TRIM44: variants seen among roughly 807,000 people sequenced by gnomAD.
TRIM44 encodes the protein tripartite motif containing 44.
TRIM44 carries 13 observed loss-of-function variants against 37.4 expected under a neutral mutation model. The ratio of observed to expected loss-of-function variants is 0.35; its 90% confidence interval spans 0.23 to 0.55. The LOEUF (loss-of-function observed/expected upper bound fraction) is 0.55, where lower values mean the gene tolerates loss of function less well. Ranked by LOEUF, TRIM44 falls within the 20% of genes least tolerant of loss-of-function variation. The pLI, the probability that TRIM44 is intolerant of heterozygous loss-of-function variation, is 0.89. For missense variants in TRIM44, 426 were observed against 437.2 expected (o/e 0.97, Z 0.23); for synonymous variants, 175 against 157.2 (o/e 1.11, Z -0.85).
chr11:35,685,060 A>G (rs1187223098), intron 1 of TRIM44, among the ~76,000 whole-genome samples, 199 bp from the exon 2 acceptor site: 1 of 152,238 alleles, frequency 6.6e-6, no homozygotes, highest in Non-Finnish European at 1.5e-5. Context: ...TAGTTGTGCC[A>G]GTCACTGGGC....
At position 35,663,393 on chromosome 11, in the gene TRIM44, G is replaced by A. The variant is rs781635908; in HGVS notation, c.282G>A (p.Glu94=). ...AGCAGGAGAGGGAGATAGAAAGCGA[G>A]GCAGGGGAAGAGAGTGAGTCGGAGG... ...KVEQEREIES[E]AGEESESEEE... is the part of the protein sequence containing the mutation. The change falls in exon 1 of 5, where the codon GAG becomes GAA. Residue 94 remains glutamate, a synonymous_variant. Coordinates refer to ENST00000299413, the MANE Select transcript of TRIM44 (RefSeq NM_017583.6). 2.6e-5 allele frequency: 41 copies of A among 1,603,378 alleles called. No homozygotes were observed. Among genetic ancestry groups the A allele is most frequent in the Non-Finnish European group, 3.5e-5 (41 of 1,174,376 alleles).
intron 2 of TRIM44, among the ~76,000 whole-genome samples, chr11:35,722,949 T>C (rs1286015191): frequency 1.3e-5 from 2 of 152,190 alleles, no homozygotes; most frequent in Non-Finnish European, 2.9e-5. Flanking sequence ...ACCATTATTC[T>C]CAGTTCATCT....
rs781450278 is a variant in TRIM44 at position 35,685,244 on chromosome 11, TTTTC to T, written c.670-8_670-5del. ...AAAATGCTGTCTAGTGACCCCTCAC[TTTTC>T]TTTCTTCTAGAGCAAAGACTCAGGT... On this transcript the variant is annotated splice_polypyrimidine_tract_variant and intron_variant, in intron 1 of 4. Transcript: ENST00000299413. 2.4e-5 allele frequency: 39 copies of T among 1,612,860 alleles called. No individual in the cohort carries two copies. Among genetic ancestry groups the T allele is most frequent in the Non-Finnish European group, 3.0e-5 (35 of 1,179,202 alleles).
intron 2 of TRIM44, among the ~76,000 whole-genome samples, chr11:35,687,500 C>T (rs1286809379): frequency 1.3e-5 from 2 of 152,208 alleles, no homozygotes; most frequent in Non-Finnish European, 2.9e-5. Flanking sequence ...TACCAAGTTT[C>T]TCTGGTTTCT....
chr11:35,700,601 A>G (rs1250171525), intron 2 of TRIM44, among the ~76,000 whole-genome samples: 1 of 152,198 alleles, frequency 6.6e-6, no homozygotes, highest in Admixed American at 6.5e-5. Flanking sequence ...CATCTATGTC[A>G]TGTGTGGATT....
intron 1 of TRIM44, among the ~76,000 whole-genome samples, chr11:35,669,774 T>C (rs1372284539): frequency 6.6e-6 from 1 of 152,000 alleles, no homozygotes; most frequent in Middle Eastern, 3.2e-3. Context: ...CCACCACACC[T>C]GGCCAGAAAG....
chr11:35,739,585 A>G (rs1852365370), intron 4 of TRIM44, among the ~76,000 whole-genome samples: 1 of 152,108 alleles, frequency 6.6e-6, no homozygotes, highest in Admixed American at 6.5e-5. Flanking sequence ...CTCTGTCATT[A>G]TAAAGGGAAT....
At chr11:35,743,817 G>T (rs1325188340) in intron 4 of TRIM44, among the ~76,000 whole-genome samples, 1 of 152,156 alleles carries the variant, frequency 6.6e-6, no homozygotes, top group Admixed American at 6.5e-5. Context: ...TGGATACAGG[G>T]TTACCATGTC....
chr11:35,741,306 A>G (rs1321734094), intron 4 of TRIM44, among the ~76,000 whole-genome samples: 1 of 152,208 alleles, frequency 6.6e-6, no homozygotes, highest in East Asian at 1.9e-4. Context: ...CTTAAGTCAG[A>G]TGAAAGTTGA....
intron 2 of TRIM44, among the ~76,000 whole-genome samples, chr11:35,693,816 T>A (rs1198511820): frequency 9.2e-5 from 14 of 152,122 alleles, no homozygotes; most frequent in Non-Finnish European, 1.5e-4. Flanking sequence ...CTCTTGTCAT[T>A]CCAGTTGAAG....
At chr11:35,698,263 T>C (rs1465336246) in intron 2 of TRIM44, among the ~76,000 whole-genome samples, 2 of 142,530 alleles carry the variant, frequency 1.4e-5, no homozygotes, top group Non-Finnish European at 3.0e-5. Flanking sequence ...CATGTGTCTT[T>C]ATAGCAGCAT....
At chr11:35,748,936 G>C (rs1412225043) in intron 4 of TRIM44, among the ~76,000 whole-genome samples, 1 of 152,144 alleles carries the variant, frequency 6.6e-6, no homozygotes, top group East Asian at 1.9e-4. Flanking sequence ...TCATCTAAAT[G>C]ATCTGTTAGA....
At chr11:35,777,083 G>A (rs915039260) in intron 4 of TRIM44, among the ~76,000 whole-genome samples, 2 of 152,140 alleles carry the variant, frequency 1.3e-5, no homozygotes, top group African/African-American at 4.8e-5. Flanking sequence ...TTATTGTGAG[G>A]GAGTCTAAGT....
intron 1 of TRIM44, among the ~76,000 whole-genome samples, chr11:35,681,341 G>A (rs1399872695): frequency 6.6e-6 from 1 of 152,196 alleles, no homozygotes; most frequent in Admixed American, 6.5e-5. Context: ...CACATGTACA[G>A]CATTTTGTCC....
chr11:35,798,887 C>T (rs1387064916), intron 4 of TRIM44, among the ~76,000 whole-genome samples: 1 of 152,086 alleles, frequency 6.6e-6, no homozygotes, highest in African/African-American at 2.4e-5. Context: ...AAATATATTT[C>T]ACTGTGATAA....
intron 1 of TRIM44, among the ~76,000 whole-genome samples, chr11:35,680,116 A>G (rs1851506901): frequency 6.6e-6 from 1 of 152,198 alleles, no homozygotes; most frequent in African/African-American, 2.4e-5. Flanking sequence ...CTGCTGGTCC[A>G]TATGTTTGCA....
chr11:35,732,915 C>T (rs1852280581), intron 3 of TRIM44, among the ~76,000 whole-genome samples: 1 of 152,102 alleles, frequency 6.6e-6, no homozygotes, highest in Non-Finnish European at 1.5e-5. Context: ...TGAAAAGAAG[C>T]ATACATCTAT....
At chr11:35,671,265 G>T (rs994055083) in intron 1 of TRIM44, among the ~76,000 whole-genome samples, 1 of 152,096 alleles carries the variant, frequency 6.6e-6, no homozygotes, top group African/African-American at 2.4e-5. Context: ...GATTAGAGAG[G>T]GACAGGAAAT....
intron 4 of TRIM44, among the ~76,000 whole-genome samples, chr11:35,761,401 C>CTA (rs776443924): frequency 0.13 from 8,897 of 66,968 alleles, 561 homozygotes; most frequent in Admixed American, 0.28. Flanking sequence ...CTCTCTCTCT[C>CTA]TCTCTATATA....
Sources: allele counts gnomAD v4.1 joint callset (sites outside exome capture counted in the v4.1 genomes callset), GRCh38; gene constraint gnomAD v4.1.1; transcripts MANE v1.5; gene names NCBI Gene and HGNC (gene_info 2026-07-23, HGNC 2026-07-21).